Variants in FBXO32 observed in about 807,000 individuals in gnomAD.
FBXO32 encodes F-box protein 32, also known as F-box only protein 32.
In FBXO32, 15 loss-of-function variants were observed where a neutral mutation model predicts 48.3. The ratio of observed to expected loss-of-function variants is 0.31; its 90% CI spans 0.21 to 0.48. FBXO32 has a LOEUF of 0.48. Among genes scored for constraint, FBXO32 ranks in the 20% least tolerant of loss-of-function variants. FBXO32 has a pLI of 0.99. For synonymous variants in FBXO32, 154 were observed against 165.9 expected (o/e 0.93, Z 0.55); for missense variants, 309 against 432.7 (o/e 0.71, Z 2.54).
At chr8:123,517,366 T>C (rs1284918371) in intron 4 of FBXO32, among the ~76,000 whole-genome samples, 1 of 152,222 alleles carries the variant, frequency 6.6e-6, no homozygotes, top group Non-Finnish European at 1.5e-5. Context: ...GGTCTGATTA[T>C]CTTCTCTAAG....
intron 6 of FBXO32, among the ~76,000 whole-genome samples, chr8:123,511,788 C>T (rs1362475399): frequency 6.6e-6 from 1 of 152,078 alleles, no homozygotes; most frequent in Non-Finnish European, 1.5e-5. Context: ...CTGTGATCGT[C>T]TAAATGGGTG....
intron 4 of FBXO32, among the ~76,000 whole-genome samples, chr8:123,524,714 C>T (rs1177175757): frequency 6.6e-6 from 1 of 152,162 alleles, no homozygotes; most frequent in Non-Finnish European, 1.5e-5. Flanking sequence ...GACGGGGTTT[C>T]ACCATCTTGA....
intron 4 of FBXO32, among the ~76,000 whole-genome samples, chr8:123,520,558 C>T (rs1315584448): frequency 2.6e-5 from 4 of 152,122 alleles, no homozygotes; most frequent in Admixed American, 6.5e-5. Context: ...AATCTAGTTG[C>T]AAGCAATATC....
chr8:123,541,050 GGCC>G lies in FBXO32; in HGVS notation c.-39_-37del. On this transcript the variant is annotated 5_prime_UTR_variant, in exon 1 of 9. Coordinates refer to ENST00000517956, the MANE Select transcript of FBXO32 (RefSeq NM_058229.4). ...GCGGACTAGACGGATGGGGAGACGG[GGCC>G]GGCCTGGTGGGCTCGGGGACGTGCC... The G allele has an allele frequency of 1.4e-6, 2 of 1,464,850 alleles. No individual in the cohort carries two copies. Among genetic ancestry groups the G allele is most frequent in the East Asian group, 5.2e-5 (2 of 38,718 alleles). The allele number at this position is 1,464,850 out of a possible 1,614,324, so 90.7% of individuals were successfully genotyped here. A position where few individuals can be genotyped will look rare whatever the true frequency, so the allele number is the denominator to read the frequency against.
intron 1 of FBXO32, among the ~76,000 whole-genome samples, chr8:123,538,415 C>T (rs989550470): frequency 3.9e-5 from 6 of 152,192 alleles, no homozygotes; most frequent in Admixed American, 1.3e-4. Flanking sequence ...CACGGTCCCT[C>T]CCCGCTTAAG....
intron 4 of FBXO32, among the ~76,000 whole-genome samples, chr8:123,516,832 A>T (rs933482339): frequency 6.6e-6 from 1 of 152,050 alleles, no homozygotes; most frequent in African/African-American, 2.4e-5. Context: ...TCTAGTTGGA[A>T]GTCAGGAGCT....
intron 7 of FBXO32, among the ~76,000 whole-genome samples, chr8:123,505,486 A>C (rs1816597385): frequency 6.6e-6 from 1 of 152,264 alleles, no homozygotes; most frequent in Non-Finnish European, 1.5e-5. Context: ...CTGTAATCCC[A>C]GAACTTTGGG....
chr8:123,503,338 G>T lies in FBXO32; in HGVS notation c.*35C>A. 1 of 1,566,528 alleles carries T rather than the reference G, an allele frequency of 6.4e-7. No individual in the cohort carries two copies. The highest frequency in any genetic ancestry group is 1.1e-5 in the South Asian group (1 of 89,970). On this transcript the variant is annotated 3_prime_UTR_variant, in exon 9 of 9. Transcript: ENST00000517956. ...ATATTCCCAGCTCTCCAGTCAGCAG[G>T]GGGACCCTTCTGAAGTGTTGTCATG... is the stretch of plus-strand genomic sequence containing the variant.
rs778974048 is a variant in FBXO32, at chr8:123,519,550, C to CAAAAAA, written c.373-5223_373-5218dup. On this transcript the variant is annotated intron_variant, in intron 4 of 8. Coordinates refer to ENST00000517956, the MANE Select transcript of FBXO32 (RefSeq NM_058229.4). ...TGGGCGACAGAGCAAGACTCCATCT[C>CAAAAAA]AAAAAAAAAAAAAAAAAAGAAATTT... 6.9e-5 allele frequency among the ~76,000 whole-genome samples: 5 copies of CAAAAAA among 72,274 alleles called. No homozygotes were observed. The East Asian group carries it at 1.2e-3, about 17-fold the overall frequency. 47.4% of individuals were successfully genotyped at this position (72,274 alleles called of 152,430 possible). A position where few individuals can be genotyped will look rare whatever the true frequency, so the allele number is the denominator to read the frequency against.
Position 123,540,953 on chromosome 8 carries a change from C to T in FBXO32, c.62G>A (p.Gly21Asp). Residue 21 changes from glycine (G) to aspartate (D), a missense_variant, in exon 1 of 9, where the codon GGC becomes GAC. Gly to Asp is a moderately conservative substitution (Grantham distance 94). Transcript: ENST00000517956. This position sits in a 1 kb window ranked among gnomAD's most constrained non-coding sequence, Gnocchi z 6.4. ...CTTCTCATCCAGGAAGCGCTTCCAG[C>T]CGTCGGCCGTCTTCACCCAGTTCTG... is the stretch of plus-strand genomic sequence containing the variant. ...PGQNWVKTAD[G>D]WKRFLDEKSG... 1 of 1,613,500 alleles carries T rather than the reference C, an allele frequency of 6.2e-7. No individual in the cohort carries two copies. Among genetic ancestry groups the T allele is most frequent in the Non-Finnish European group, 8.5e-7 (1 of 1,179,750 alleles).
At chr8:123,520,746 TTC>T (rs1408282605) in intron 4 of FBXO32, among the ~76,000 whole-genome samples, 1 of 152,126 alleles carries the variant, frequency 6.6e-6, no homozygotes, top group Admixed American at 6.5e-5. Context: ...AATCCATCAG[TTC>T]ACGTTACTTC....
rs1457213467 is a variant in FBXO32 at position 123,500,134 on chromosome 8, A to T, written c.*3239T>A. 1.3e-5 allele frequency: 2 copies of T among 151,904 alleles called. No individual in the cohort carries two copies. The highest frequency in any genetic ancestry group is 4.8e-5 in the African/African-American group (2 of 41,364). The allele number at this position is 151,904 out of a possible 1,614,324, so 9.4% of individuals were successfully genotyped here. On this transcript the variant is annotated 3_prime_UTR_variant, in exon 9 of 9. Coordinates refer to ENST00000517956, the MANE Select transcript of FBXO32 (RefSeq NM_058229.4). The stretch of plus-strand genomic sequence containing the variant: ...ATAATGCAATCTAGTTTAAAATGCC[A>T]TTGGATTTTTTTTTTTCTGGATCTT...
rs143447374 is a variant in FBXO32, at chr8:123,537,062, G to A, written c.117-2248C>T. Among the ~76,000 whole-genome samples the A allele has an allele frequency of 4.3e-3, 658 of 152,274 alleles. 2 individuals carry two copies. Among genetic ancestry groups the A allele is most frequent in the Non-Finnish European group, 8.1e-3 (548 of 68,026 alleles). Reference sequence around the variant, plus strand: ...GGAAGGGCCTGGAAAGAAGGGCTATGGGGTTTATTTGTGTTGCCTACTTAT... The same window carrying A: ...GGAAGGGCCTGGAAAGAAGGGCTATAGGGTTTATTTGTGTTGCCTACTTAT... On this transcript the variant is annotated intron_variant, in intron 1 of 8. Transcript: ENST00000517956.
At position 123,503,182 on chromosome 8, in the gene FBXO32, A is replaced by G; in HGVS notation, c.*191T>C. 2.1e-6 allele frequency: 1 copy of G among 481,934 alleles called. No individual in the cohort carries two copies. The highest frequency in any genetic ancestry group is 3.7e-6 in the Non-Finnish European group (1 of 271,818). 29.9% of individuals were successfully genotyped at this position (481,934 alleles called of 1,614,324 possible). On this transcript the variant is annotated 3_prime_UTR_variant, in exon 9 of 9. Transcript: ENST00000517956. ...GCTTTTCCATACCAATTCTAGTGAG[A>G]AGTTCACATTCTTAAATTCCCAGTC...
In FBXO32 at chr8:123,541,131, G is replaced by GCGGGGCGT. The variant is rs1226778138; in HGVS notation, c.-118_-117insACGCCCCG. 4 of 511,072 alleles carry GCGGGGCGT rather than the reference G, an allele frequency of 7.8e-6. No homozygotes were observed. In the South Asian group the frequency reaches 2.0e-4, roughly 26 times the overall value. 31.7% of individuals were successfully genotyped at this position (511,072 alleles called of 1,614,324 possible). On this transcript the variant is annotated 5_prime_UTR_variant, in exon 1 of 9. Transcript: ENST00000517956. ...GGCCCGCGACGGGGGCGGCGGGGCGGCGGGAACGGCGCGGGGCACCCTGCG... is the reference window on the plus strand; with the variant it reads ...GGCCCGCGACGGGGGCGGCGGGGCGGCGGGGCGTCGGGAACGGCGCGGGGCACCCTGCG...
intron 6 of FBXO32, among the ~76,000 whole-genome samples, chr8:123,512,747 A>C (rs1816760635): frequency 6.6e-6 from 1 of 152,084 alleles, no homozygotes; most frequent in African/African-American, 2.4e-5. Flanking sequence ...TTCCTTTGTC[A>C]TAACTACCAA....
chr8:123,537,601 C>T (rs1290570607), intron 1 of FBXO32, among the ~76,000 whole-genome samples: 1 of 152,066 alleles, frequency 6.6e-6, no homozygotes, highest in African/African-American at 2.4e-5. Flanking sequence ...AGTTATATAG[C>T]CTGATTAAAG....
rs1406640425 is a variant in FBXO32 at position 123,540,259 on chromosome 8, C to T, written c.116+640G>A. Among the ~76,000 whole-genome samples the T allele has an allele frequency of 6.6e-6, 1 of 152,186 alleles. No homozygotes were observed. Among genetic ancestry groups the T allele is most frequent in the Non-Finnish European group, 1.5e-5 (1 of 68,024 alleles). ...AGCTCTTGTGGGATTCATCCCCTGC[C>T]CCCTTCCCTCCTTTGCACCTCTGCA... On this transcript the variant is annotated intron_variant, in intron 1 of 8. Coordinates refer to ENST00000517956, the MANE Select transcript of FBXO32 (RefSeq NM_058229.4). This position sits in a 1 kb window ranked among gnomAD's most constrained non-coding sequence, Gnocchi z 6.4.
At chr8:123,523,171 G>A (rs1816996726) in intron 4 of FBXO32, among the ~76,000 whole-genome samples, 1 of 152,174 alleles carries the variant, frequency 6.6e-6, no homozygotes, top group Non-Finnish European at 1.5e-5. Flanking sequence ...ACTCTTGGGA[G>A]CATCCCTCCT....
Sources: gnomAD v4.1 joint callset for allele counts (sites outside exome capture counted in the v4.1 genomes callset) on GRCh38, gnomAD v4.1.1 for gene constraint, Gnocchi (gnomAD v3.1) non-coding constraint, MANE v1.5 for transcripts, NCBI Gene and HGNC (gene_info 2026-07-23, HGNC 2026-07-21) for gene names.